SSMEM1: variants seen among roughly 807,000 people sequenced by gnomAD.
SSMEM1 encodes the protein serine rich single-pass membrane protein 1.
A neutral mutation model predicts 9.9 loss-of-function variants in SSMEM1; 12 were observed. The observed-to-expected ratio is 1.21, with a 90% CI of 0.78 to 1.96. The LOEUF is 1.96. SSMEM1 is among the 30% of genes most tolerant of loss of function. SSMEM1 has a pLI of 0.00. For synonymous variants in SSMEM1, 96 were observed against 98.9 expected (o/e 0.97, Z 0.17); for missense variants, 259 against 292.2 (o/e 0.89, Z 0.83).
chr7:130,215,609 G>A (rs1377266342), intron 2 of SSMEM1, among the ~76,000 whole-genome samples: 2 of 152,134 alleles, frequency 1.3e-5, no homozygotes, highest in Non-Finnish European at 2.9e-5. Flanking sequence ...CTTAGTTCCT[G>A]CTCCCCAAAT....
At chr7:130,213,710 A>AAAAAAG (rs1562906803) in intron 2 of SSMEM1, among the ~76,000 whole-genome samples, 176 bp downstream of exon 2, 653 of 119,446 alleles carry the variant, frequency 5.5e-3, no homozygotes, top group East Asian at 0.014. Flanking sequence ...AAAAAAAAAA[A>AAAAAAG]AAAAGAAAAG....
intron 2 of SSMEM1, among the ~76,000 whole-genome samples, chr7:130,213,812 C>T (rs1357882859): frequency 6.6e-6 from 1 of 151,658 alleles, no homozygotes; most frequent in Non-Finnish European, 1.5e-5. Flanking sequence ...GAACAGCCAA[C>T]AGCATTGTAA....
At chr7:130,214,975 G>A (rs1798675686) in intron 2 of SSMEM1, among the ~76,000 whole-genome samples, 1 of 152,170 alleles carries the variant, frequency 6.6e-6, no homozygotes, top group Admixed American at 6.5e-5. Context: ...ATTGAACATG[G>A]AGTTGGGAGG....
At position 130,216,406 on chromosome 7, in the gene SSMEM1, T is replaced by A; in HGVS notation, c.671T>A (p.Met224Lys). Residue 224 changes from methionine (M) to lysine (K), a missense_variant, in exon 3 of 3, where the codon ATG (methionine) becomes AAG (lysine). Met to Lys is a moderately conservative substitution (Grantham distance 95). Coordinates refer to ENST00000297819, the MANE Select transcript of SSMEM1 (RefSeq NM_145268.4). Reference protein sequence around the residue: ...SRQKPSVTPPMKRDSQEESSI... With the variant: ...SRQKPSVTPPKKRDSQEESSI... ...CAGAAGCCTTCAGTAACACCGCCAA[T>A]GAAAAGAGACAGTCAAGAGGAAAGT... The A allele has an allele frequency of 6.2e-7, 1 of 1,614,110 alleles. No individual in the cohort carries two copies. Among genetic ancestry groups the A allele is most frequent in the Non-Finnish European group, 8.5e-7 (1 of 1,180,028 alleles).
upstream of SSMEM1, chr7:130,205,611 AC>A: frequency 1.6e-6 from 1 of 613,372 alleles, no homozygotes; most frequent in Non-Finnish European, 2.9e-6. Flanking sequence ...CAAAATTCAG[AC>A]CAGGCTCTGA....
chr7:130,215,857 C>T, intron 2 of SSMEM1, 117 bp from the exon 3 acceptor site: 1 of 1,366,482 alleles, frequency 7.3e-7, no homozygotes, highest in African/African-American at 1.5e-5. Context: ...TGGAGAAAAG[C>T]AATGGCTTGA....
chr7:130,214,881 T>C (rs1465635814), intron 2 of SSMEM1, among the ~76,000 whole-genome samples: 1 of 152,246 alleles, frequency 6.6e-6, no homozygotes, highest in Non-Finnish European at 1.5e-5. Flanking sequence ...AAGCCATACA[T>C]CAAGCCCTGA....
At chr7:130,215,947 A>G (rs746808785) in intron 2 of SSMEM1, 27 bp from the exon 3 acceptor site, 32 of 1,607,570 alleles carry the variant, frequency 2.0e-5, no homozygotes, top group Non-Finnish European at 2.6e-5. Context: ...CAATATTACT[A>G]ACTTGATATG....
intron 1 of SSMEM1, among the ~76,000 whole-genome samples, chr7:130,211,267 C>T (rs1798586946): frequency 6.6e-6 from 1 of 150,916 alleles, no homozygotes; most frequent in Non-Finnish European, 1.5e-5. Flanking sequence ...ACACCATTCT[C>T]CTGCCTCAGC....
chr7:130,214,490 C>G (rs1798666158), intron 2 of SSMEM1, among the ~76,000 whole-genome samples: 1 of 151,994 alleles, frequency 6.6e-6, no homozygotes, highest in Non-Finnish European at 1.5e-5. Flanking sequence ...ATACAATACT[C>G]CTTATGGCCA....
chr7:130,207,798 A>G (rs921452927), upstream of SSMEM1: 43 of 1,095,362 alleles, frequency 3.9e-5, no homozygotes, highest in Non-Finnish European at 5.6e-5. Context: ...TTGCTTAAGT[A>G]TGTGTCATAA....
chr7:130,208,144 A>C lies in SSMEM1; in HGVS notation c.183+51A>C, dbSNP rs767770395. On this transcript the variant is annotated intron_variant, in intron 1 of 2. Coordinates refer to ENST00000297819, the MANE Select transcript of SSMEM1 (RefSeq NM_145268.4). Reference sequence around the variant, plus strand: ...ATAATATGTTTACTGTACACTAGGAAAATTTCCATAAAATACATTTACTAT... The same window carrying C: ...ATAATATGTTTACTGTACACTAGGACAATTTCCATAAAATACATTTACTAT... The C allele has an allele frequency of 7.4e-6, 11 of 1,481,894 alleles. No individual in the cohort carries two copies. In the East Asian group the frequency reaches 2.6e-4, roughly 35 times the overall value. The allele number at this position is 1,481,894 out of a possible 1,614,324, so 91.8% of individuals were successfully genotyped here. A position where few individuals can be genotyped will look rare whatever the true frequency, so the allele number is the denominator to read the frequency against.
upstream of SSMEM1, among the ~76,000 whole-genome samples, chr7:130,206,363 G>A (rs189729890): frequency 2.2e-4 from 33 of 152,296 alleles, no homozygotes; most frequent in Non-Finnish European, 4.0e-4. Flanking sequence ...AGGAGATGAC[G>A]CGTTAGAGTC....
chr7:130,205,448 C>A, upstream of SSMEM1: 1 of 1,610,646 alleles, frequency 6.2e-7, no homozygotes, highest in Non-Finnish European at 8.5e-7. Context: ...AAGCGGGAGG[C>A]CACCGGCAAG....
Position 130,208,058 on chromosome 7 carries a change from T to G in SSMEM1, c.148T>G (p.Phe50Val). Reference protein sequence around the residue: ...SFLLWYFVIVFVLMFFSRASV... With the variant: ...SFLLWYFVIVVVLMFFSRASV... ...CCTGCTTTGGTATTTTGTTATCGTA[T>G]TTGTCCTGATGTTCTTCTCTAGGGC... Residue 50 changes from phenylalanine (F) to valine (V), a missense_variant, in exon 1 of 3, where the codon TTT becomes GTT. Coordinates refer to ENST00000297819, the MANE Select transcript of SSMEM1 (RefSeq NM_145268.4). 1.2e-6 allele frequency: 2 copies of G among 1,614,058 alleles called. No homozygotes were observed. The highest frequency in any genetic ancestry group is 4.5e-5 in the East Asian group (2 of 44,852).
At chr7:130,214,016 T>C (rs1410586609) in intron 2 of SSMEM1, among the ~76,000 whole-genome samples, 3 of 152,250 alleles carry the variant, frequency 2.0e-5, no homozygotes. Context: ...GTTAGTGCTA[T>C]TACAGGATTA....
At chr7:130,212,597 T>G (rs1798611481) in intron 1 of SSMEM1, among the ~76,000 whole-genome samples, 1 of 151,648 alleles carries the variant, frequency 6.6e-6, no homozygotes. Context: ...TGGTGGTGCA[T>G]GTCGGTAATC....
chr7:130,216,675 G>T lies in SSMEM1; in HGVS notation c.*205G>T, dbSNP rs1798717186. 1.7e-6 allele frequency: 1 copy of T among 594,002 alleles called. No individual in the cohort carries two copies. The highest frequency in any genetic ancestry group is 3.3e-5 in the Admixed American group (1 of 30,720). The allele number at this position is 594,002 out of a possible 1,614,324, so 36.8% of individuals were successfully genotyped here. On this transcript the variant is annotated 3_prime_UTR_variant, in exon 3 of 3. Transcript: ENST00000297819. ...CCATCACGTGTTTATGGCACCATTG[G>T]AACACCAAAGATCTATATCTGCTAT...
chr7:130,216,111 C>A lies in SSMEM1; in HGVS notation c.376C>A (p.Gln126Lys), dbSNP rs762179379. ...GGCTTTGGTCAATGCCTATCCTGAA[C>A]AAAGACGAGCCAGGCGCCAGTCTCA... ...EVALVNAYPE[Q>K]RRARRQSQFN... The change falls in exon 3 of 3, where the codon CAA becomes AAA. Residue 126 changes from glutamine to lysine, a missense_variant. Gln to Lys is a moderately conservative substitution (Grantham distance 53, BLOSUM62 1). Coordinates refer to ENST00000297819, the MANE Select transcript of SSMEM1 (RefSeq NM_145268.4). 8.7e-6 allele frequency: 14 copies of A among 1,614,172 alleles called. No individual in the cohort carries two copies. The highest frequency in any genetic ancestry group is 1.2e-5 in the Non-Finnish European group (14 of 1,180,040).
Sources: gnomAD v4.1 joint callset for allele counts (sites outside exome capture counted in the v4.1 genomes callset) on GRCh38, gnomAD v4.1.1 for gene constraint, MANE v1.5 for transcripts, NCBI Gene and HGNC (gene_info 2026-07-23, HGNC 2026-07-21) for gene names.